The following TRPM3 variants were observed in gnomAD, a reference collection of about 807,000 sequenced individuals.
The protein encoded by TRPM3 is long transient receptor potential channel 3.
A neutral mutation model predicts 181.2 loss-of-function variants in TRPM3; 77 were observed. That is an observed-to-expected ratio of 0.42 (90% CI 0.35 to 0.51). TRPM3 has a LOEUF of 0.51. TRPM3 is among the 20% of genes least tolerant of loss of function. The pLI, the probability that TRPM3 is intolerant of heterozygous loss-of-function variation, is 0.01. For synonymous variants in TRPM3, 745 were observed against 796.4 expected (o/e 0.94, Z 1.09); for missense variants, 1,759 against 2,196.7 (o/e 0.80, Z 3.98).
At chr9:71,031,367 T>C (rs1365767825) in intron 1 of TRPM3, among the ~76,000 whole-genome samples, 2 of 152,182 alleles carry the variant, frequency 1.3e-5, no homozygotes, top group Non-Finnish European at 2.9e-5. Flanking sequence ...TGAATATCGG[T>C]TCTACCTCAT....
chr9:70,826,876 A>G (rs2093587343), intron 6 of TRPM3: 1 of 152,238 alleles, frequency 6.6e-6, no homozygotes, highest in African/African-American at 2.4e-5. Context: ...TTATAAAAAC[A>G]AATAGAATTT....
At chr9:71,217,681 G>A (rs1197879261) in intron 1 of TRPM3, among the ~76,000 whole-genome samples, 2 of 152,206 alleles carry the variant, frequency 1.3e-5, no homozygotes, top group Admixed American at 1.3e-4. Context: ...CAGCTGTCCT[G>A]ATGAAGTCTG....
intron 1 of TRPM3, among the ~76,000 whole-genome samples, chr9:71,041,968 A>G (rs1240605832): frequency 6.6e-6 from 1 of 152,212 alleles, no homozygotes; most frequent in Non-Finnish European, 1.5e-5. Context: ...GCTACTAATT[A>G]TTGAATACCA....
At chr9:70,803,602 C>G (rs930690492) in intron 6 of TRPM3, among the ~76,000 whole-genome samples, 1 of 151,936 alleles carries the variant, frequency 6.6e-6, no homozygotes, top group Non-Finnish European at 1.5e-5. Context: ...GCGCCCGCCA[C>G]TACACCCGGC....
Position 70,917,183 on chromosome 9 carries a change from T to G in TRPM3, c.178-52672A>C. The G allele has an allele frequency of 3.1e-6, 5 of 1,605,320 alleles. 1 individual carries two copies. The highest frequency in any genetic ancestry group is 4.3e-6 in the Non-Finnish European group (5 of 1,173,334). ...GTCCAGTTCTAGGAGGAGTTTCTGC[T>G]TTTTAAACACAACTTTATTGAAGTC... On this transcript the variant is annotated intron_variant, in intron 1 of 25. Transcript: ENST00000677713.
At chr9:71,145,209 A>C (rs1209531140) in intron 1 of TRPM3, among the ~76,000 whole-genome samples, 2 of 152,200 alleles carry the variant, frequency 1.3e-5, no homozygotes, top group Non-Finnish European at 2.9e-5. Flanking sequence ...TGAAGTCAAA[A>C]AGGATATTAA....
chr9:71,334,964 G>T (rs912312031), intron 1 of TRPM3, among the ~76,000 whole-genome samples: 1 of 151,978 alleles, frequency 6.6e-6, no homozygotes, highest in Admixed American at 6.6e-5. Context: ...TCACTGAAGA[G>T]AAATCAATTA....
chr9:71,111,517 T>C (rs2071088536), intron 1 of TRPM3, among the ~76,000 whole-genome samples: 1 of 152,120 alleles, frequency 6.6e-6, no homozygotes, highest in Non-Finnish European at 1.5e-5. Flanking sequence ...AATAGAAACC[T>C]GAGATACCAA....
chr9:70,786,444 G>A (rs137857728), intron 6 of TRPM3, among the ~76,000 whole-genome samples: 317 of 151,694 alleles, frequency 2.1e-3, no homozygotes, highest in African/African-American at 7.4e-3. Flanking sequence ...AAGATCACAC[G>A]ATTGTGCTCC....
intron 9 of TRPM3, among the ~76,000 whole-genome samples, chr9:70,659,350 A>C (rs142528500): frequency 6.6e-6 from 1 of 152,222 alleles, no homozygotes; most frequent in African/African-American, 2.4e-5. Context: ...AGGAGCCCCA[A>C]GTTTTATGTT....
chr9:71,317,199 G>C (rs1029785372), intron 1 of TRPM3, among the ~76,000 whole-genome samples: 2 of 152,276 alleles, frequency 1.3e-5, no homozygotes, highest in African/African-American at 4.8e-5. Context: ...ACCTTAAAAA[G>C]AGAGCTGAAT....
intron 1 of TRPM3, among the ~76,000 whole-genome samples, chr9:71,177,193 C>T (rs1209797713): frequency 4.6e-5 from 7 of 152,112 alleles, no homozygotes. Flanking sequence ...TCTCCCAAAA[C>T]CCCCAGATGG....
intron 1 of TRPM3, among the ~76,000 whole-genome samples, chr9:70,883,792 C>A (rs1023623641): frequency 1.3e-5 from 2 of 152,194 alleles, no homozygotes; most frequent in African/African-American, 4.8e-5. Context: ...CAAGTTCACA[C>A]CACTAGTAAC....
chr9:71,074,335 G>A (rs1475447110), intron 1 of TRPM3, among the ~76,000 whole-genome samples: 2 of 152,172 alleles, frequency 1.3e-5, no homozygotes, highest in East Asian at 3.9e-4. Context: ...GCTTATTCCT[G>A]TTCATCTAAT....
chr9:70,585,269 G>T (rs1256541878), intron 22 of TRPM3, among the ~76,000 whole-genome samples: 1 of 152,162 alleles, frequency 6.6e-6, no homozygotes, highest in African/African-American at 2.4e-5. Flanking sequence ...TATTCACCCA[G>T]TTGGACTTTT....
intron 1 of TRPM3, among the ~76,000 whole-genome samples, chr9:70,903,506 G>GA (rs2096416206): frequency 6.7e-6 from 1 of 148,200 alleles, no homozygotes; most frequent in South Asian, 2.1e-4. Context: ...TGTTTTTGGG[G>GA]TTTTTTTTTT....
chr9:71,346,731 G>C (rs930981367), intron 1 of TRPM3, among the ~76,000 whole-genome samples: 2 of 152,142 alleles, frequency 1.3e-5, no homozygotes, highest in East Asian at 1.9e-4. Flanking sequence ...TGTTGTCTTG[G>C]CTGAAACAGA....
intron 1 of TRPM3, among the ~76,000 whole-genome samples, chr9:71,014,271 T>A (rs1479760760): frequency 2.6e-5 from 4 of 152,058 alleles, no homozygotes. Flanking sequence ...AATATTATAT[T>A]TTTGCATTTT....
chr9:70,925,448 A>G (rs776641287), intron 1 of TRPM3, among the ~76,000 whole-genome samples: 1 of 152,126 alleles, frequency 6.6e-6, no homozygotes, highest in Non-Finnish European at 1.5e-5. Flanking sequence ...TAAACAAGGT[A>G]GATATAAAAG....
Sources: gnomAD v4.1 joint callset for allele counts (sites outside exome capture counted in the v4.1 genomes callset) on GRCh38, gnomAD v4.1.1 for gene constraint, MANE v1.5 for transcripts, NCBI Gene and HGNC (gene_info 2026-07-23, HGNC 2026-07-21) for gene names.